Variants in ATPAF1 observed in about 807,000 individuals in gnomAD.
The protein encoded by ATPAF1 is homolog of yeast ATP11.
ATPAF1 carries 26 observed loss-of-function variants against 43.9 expected under a neutral mutation model. The ratio of observed to expected loss-of-function variants is 0.59; its 90% confidence interval spans 0.43 to 0.82. The LOEUF is 0.82. Among genes scored for constraint, ATPAF1 ranks in the 40% least tolerant of loss-of-function variants. The pLI is 0.00. For synonymous variants in ATPAF1, 157 were observed against 168.0 expected (o/e 0.93, Z 0.50); for missense variants, 366 against 435.0 (o/e 0.84, Z 1.41).
At chr1:46,658,449 C>G (rs191364857) in intron 3 of ATPAF1, among the ~76,000 whole-genome samples, 1 of 152,120 alleles carries the variant, frequency 6.6e-6, no homozygotes, top group East Asian at 1.9e-4. Context: ...ATGAGTCCTG[C>G]GGCACTTTGC....
At chr1:46,656,223 T>C (rs561599093) in intron 4 of ATPAF1, among the ~76,000 whole-genome samples, 115 of 152,152 alleles carry the variant, frequency 7.6e-4, no homozygotes, top group Middle Eastern at 3.4e-3. Flanking sequence ...AGAGACACAT[T>C]TGAAGCAGAG....
intron 8 of ATPAF1, among the ~76,000 whole-genome samples, chr1:46,637,948 GTTT>G (rs1675872500): frequency 3.3e-5 from 5 of 152,152 alleles, no homozygotes; most frequent in Admixed American, 1.3e-4. Context: ...TCATCCTTCT[GTTT>G]CTGGTAGGGC....
At chr1:46,641,627 GA>G (rs1675952171) in intron 8 of ATPAF1, among the ~76,000 whole-genome samples, 1 of 152,146 alleles carries the variant, frequency 6.6e-6, no homozygotes, top group Non-Finnish European at 1.5e-5. Flanking sequence ...CCATGTTTGT[GA>G]AATCAGTAAA....
At chr1:46,660,141 T>G (rs1381625890) in intron 2 of ATPAF1, among the ~76,000 whole-genome samples, 1 of 152,094 alleles carries the variant, frequency 6.6e-6, no homozygotes, top group Non-Finnish European at 1.5e-5. Context: ...CATGCCTGGC[T>G]AATTTTTTGT....
At chr1:46,668,544 G>C (rs908746436), upstream of ATPAF1, 7 of 449,052 alleles carry the variant, frequency 1.6e-5, no homozygotes, top group African/African-American at 1.5e-4. This position sits in a 1 kb window ranked among gnomAD's most constrained non-coding sequence, Gnocchi z 4.4. Context: ...TGTATGCCAC[G>C]GCCCGCCTCC....
rs771383394 is a variant in ATPAF1, at chr1:46,658,082, A to T, written c.489+45T>A. ...ATGTACTTTCAGATTTGGTTCACAG[A>T]ATTCACATTTTCATAGAGTAGGCCA... On this transcript the variant is annotated intron_variant, in intron 4 of 8. Coordinates refer to ENST00000574428, the Ensembl canonical transcript of ATPAF1. 8 of 1,563,182 alleles carry T rather than the reference A, an allele frequency of 5.1e-6. No individual in the cohort carries two copies. The South Asian group carries it at 9.2e-5, about 18-fold the overall frequency.
chr1:46,654,218 C>T (rs1042852585), intron 4 of ATPAF1, among the ~76,000 whole-genome samples: 75 of 152,182 alleles, frequency 4.9e-4, no homozygotes, highest in African/African-American at 1.8e-3. Flanking sequence ...CTGAGCCTTC[C>T]CAGAGAGTCA....
At chr1:46,663,924 C>T in intron 2 of ATPAF1, 10 of 1,278,680 alleles carry the variant, frequency 7.8e-6, no homozygotes, top group Non-Finnish European at 1.0e-5. Flanking sequence ...GTGCACCATC[C>T]TAGGTTAGAA....
chr1:46,665,350 G>A (rs1428458420), exon 2 of ATPAF1: 1 of 1,614,218 alleles, frequency 6.2e-7, no homozygotes, highest in East Asian at 2.2e-5. Context: ...GGACTCAAAA[G>A]CAGCTGGGTC....
In ATPAF1 at chr1:46,668,361, C is replaced by T; in HGVS notation, c.-39G>A. ...TCCTCCTCCTCCTCAGGCGCGTCGG[C>T]CTCGGCCCGCGGCCCGCGCGCCCGC... On this transcript the variant is annotated 5_prime_UTR_variant, in exon 1 of 9. Transcript: ENST00000574428. This position sits in a 1 kb window ranked among gnomAD's most constrained non-coding sequence, Gnocchi z 4.4. The T allele has an allele frequency of 7.8e-7, 1 of 1,289,814 alleles. No individual in the cohort carries two copies. The highest frequency in any genetic ancestry group is 2.2e-5 in the South Asian group (1 of 45,736). The allele number at this position is 1,289,814 out of a possible 1,614,324, so 79.9% of individuals were successfully genotyped here. A position where few individuals can be genotyped will look rare whatever the true frequency, so the allele number is the denominator to read the frequency against.
intron 2 of ATPAF1, among the ~76,000 whole-genome samples, chr1:46,661,930 T>G (rs1676395850): frequency 6.6e-6 from 1 of 151,736 alleles, no homozygotes; most frequent in Non-Finnish European, 1.5e-5. Context: ...AGTCTCACTC[T>G]GTCGTCCAGG....
intron 2 of ATPAF1, among the ~76,000 whole-genome samples, chr1:46,663,242 T>C (rs1220738217): frequency 6.6e-6 from 1 of 152,232 alleles, no homozygotes; most frequent in African/African-American, 2.4e-5. Context: ...GCAATAAACA[T>C]ACATGTGCAT....
intron 2 of ATPAF1, among the ~76,000 whole-genome samples, chr1:46,660,654 G>A (rs1039565044): frequency 6.6e-6 from 1 of 152,098 alleles, no homozygotes; most frequent in African/African-American, 2.4e-5. Context: ...ATGAAATAAG[G>A]TAATTAAAGC....
At chr1:46,638,510 T>A (rs1278543671) in intron 8 of ATPAF1, among the ~76,000 whole-genome samples, 1 of 151,578 alleles carries the variant, frequency 6.6e-6, no homozygotes, top group African/African-American at 2.4e-5. Context: ...TAGTCCCAGC[T>A]ACTCGGGAGG....
At chr1:46,662,451 A>ATT (rs34146400) in intron 2 of ATPAF1, among the ~76,000 whole-genome samples, 205 of 140,296 alleles carry the variant, frequency 1.5e-3, no homozygotes, top group African/African-American at 4.5e-3. Flanking sequence ...CCCATCTGTT[A>ATT]TTTTTTTTTT....
chr1:46,665,410 A>G (rs748987791), intron 1 of ATPAF1, 46 bp from the exon 2 acceptor site: 4 of 1,564,190 alleles, frequency 2.6e-6, no homozygotes, highest in Non-Finnish European at 3.5e-6. Context: ...GCCTTTTTGA[A>G]TTCTAAAATA....
intron 6 of ATPAF1, among the ~76,000 whole-genome samples, chr1:46,647,295 G>A (rs927603257): frequency 3.3e-5 from 5 of 152,090 alleles, no homozygotes; most frequent in Non-Finnish European, 7.4e-5. Flanking sequence ...CACCCAATAC[G>A]ACATTCCCGT....
Position 46,668,074 on chromosome 1 carries a change from C to G in ATPAF1, c.249G>C (p.Lys83Asn). The stretch of plus-strand genomic sequence containing the variant: ...GCCCGCACCTGCGCAGCAGCTGGAT[C>G]TTGTCGCGGTAGCGGTCGTAGAAAG... The change falls in exon 1 of 9, where the codon AAG becomes AAC. Residue 83 changes from lysine to asparagine, a missense_variant. By Grantham distance (94) the Lys-to-Asn change is moderately conservative. This residue lies in a region of ATPAF1 where 186 missense variants were observed against 168.5 expected (regional missense o/e 1.10). Coordinates refer to ENST00000574428, the Ensembl canonical transcript of ATPAF1. This position sits in a 1 kb window ranked among gnomAD's most constrained non-coding sequence, Gnocchi z 4.4. 6.9e-7 allele frequency: 1 copy of G among 1,444,310 alleles called. No homozygotes were observed. The highest frequency in any genetic ancestry group is 9.1e-7 in the Non-Finnish European group (1 of 1,095,638). The allele number at this position is 1,444,310 out of a possible 1,614,324, so 89.5% of individuals were successfully genotyped here.
At chr1:46,645,527 C>CT (rs60052594) in intron 6 of ATPAF1, among the ~76,000 whole-genome samples, 145 of 141,194 alleles carry the variant, frequency 1.0e-3, no homozygotes, top group Middle Eastern at 7.3e-3. Flanking sequence ...AGCCTGGCTA[C>CT]TTTTTTTTTT....
Sources: gnomAD v4.1 joint callset for allele counts (sites outside exome capture counted in the v4.1 genomes callset) on GRCh38, gnomAD v4.1.1 for gene constraint, gnomAD v4.1.1 regional missense constraint, Gnocchi (gnomAD v3.1) non-coding constraint, MANE v1.5 for transcripts, NCBI Gene and HGNC (gene_info 2026-07-23, HGNC 2026-07-21) for gene names.